The following PTPRG variants were observed in gnomAD, a reference collection of about 807,000 sequenced individuals.
The protein encoded by PTPRG is protein tyrosine phosphatase receptor type G.
A neutral mutation model predicts 165.3 loss-of-function variants in PTPRG; 102 were observed. That is an observed-to-expected ratio of 0.62 (90% CI 0.53 to 0.73). The LOEUF is 0.73. Ranked by LOEUF, PTPRG falls within the 30% of genes least tolerant of loss-of-function variation. The probability of loss-of-function intolerance (pLI) is 0.00; values close to 1 mark genes in which losing one functional copy is unlikely to be tolerated. For missense variants in PTPRG, 1,866 were observed against 1,861.4 expected, an observed-to-expected ratio of 1.00 and a Z score of -0.05; for synonymous variants, 675 against 669.5, an observed-to-expected ratio of 1.01 and a Z score of -0.13.
At chr3:61,667,968 A>C (rs1702855656) in intron 1 of PTPRG, among the ~76,000 whole-genome samples, 1 of 152,142 alleles carries the variant, frequency 6.6e-6, no homozygotes, top group African/African-American at 2.4e-5. Context: ...GGGGTGGGAA[A>C]AAAGTTTTAT....
In PTPRG at chr3:61,674,689, C is replaced by T. The variant is rs149774951; in HGVS notation, c.86-74189C>T. ...TGAATTAAAAATAATTTTATCTTGACCTTTCTCTTTGTAACTTTAACATCA... is the reference window on the plus strand; with the variant it reads ...TGAATTAAAAATAATTTTATCTTGATCTTTCTCTTTGTAACTTTAACATCA... On this transcript the variant is annotated intron_variant, in intron 1 of 29. Coordinates refer to ENST00000474889, the MANE Select transcript of PTPRG (RefSeq NM_002841.4). Among the ~76,000 whole-genome samples, 290 of 152,070 alleles carry T rather than the reference C, an allele frequency of 1.9e-3. 2 individuals are homozygous for T. Among genetic ancestry groups the T allele is most frequent in the African/African-American group, 6.6e-3 (274 of 41,478 alleles).
In PTPRG at chr3:62,124,150, T is replaced by C. The variant is rs531390514; in HGVS notation, c.616-8452T>C. The C allele has an allele frequency of 1.8e-4, 119 of 655,738 alleles. No homozygotes were observed. In the African/African-American group the frequency reaches 2.0e-3, roughly 11 times the overall value. 40.6% of individuals were successfully genotyped at this position (655,738 alleles called of 1,614,324 possible). A position where few individuals can be genotyped will look rare whatever the true frequency, so the allele number is the denominator to read the frequency against. ...AATAAGTTCAGCGCTTAAAAGGTTC[T>C]GTGAATTTGTTGTTGTCGTTGTTGT... On this transcript the variant is annotated intron_variant, in intron 5 of 29. Transcript: ENST00000474889.
intron 1 of PTPRG, among the ~76,000 whole-genome samples, chr3:61,699,087 G>T (rs755429343): frequency 1.3e-4 from 20 of 152,148 alleles, no homozygotes; most frequent in Admixed American, 7.9e-4. Context: ...GAGTTAATGG[G>T]TGCAGCACAG....
intron 4 of PTPRG, among the ~76,000 whole-genome samples, chr3:62,050,511 GTGACACT>G (rs1349343021): frequency 6.6e-6 from 1 of 152,236 alleles, no homozygotes; most frequent in African/African-American, 2.4e-5. Flanking sequence ...CTGTTGTTAA[GTGACACT>G]TGACTGTCTA....
chr3:61,811,733 G>A (rs1445910639), intron 2 of PTPRG, among the ~76,000 whole-genome samples: 5 of 152,124 alleles, frequency 3.3e-5, no homozygotes, highest in East Asian at 1.9e-4. Flanking sequence ...TCAGCCATGC[G>A]AGTCAGATAA....
intron 1 of PTPRG, among the ~76,000 whole-genome samples, chr3:61,724,217 C>CAAAAAAAAAA (rs1260061643): frequency 0.012 from 1,550 of 128,318 alleles, 19 homozygotes; most frequent in South Asian, 0.02. Context: ...CTCCCATCTC[C>CAAAAAAAAAA]AAAAAAAAAA....
intron 15 of PTPRG, among the ~76,000 whole-genome samples, chr3:62,249,210 G>A (rs17066305): frequency 0.31 from 47,487 of 151,948 alleles, 8,304 homozygotes; most frequent in African/African-American, 0.47. Flanking sequence ...ATGTCCTTTT[G>A]TTTCATATTT....
At chr3:61,946,784 G>A (rs577568540) in intron 2 of PTPRG, among the ~76,000 whole-genome samples, 1 of 152,318 alleles carries the variant, frequency 6.6e-6, no homozygotes, top group South Asian at 2.1e-4. Context: ...AACTCTCAGA[G>A]ACCTTTTTAA....
chr3:61,575,739 A>G (rs1700161961), intron 1 of PTPRG, among the ~76,000 whole-genome samples: 1 of 151,274 alleles, frequency 6.6e-6, no homozygotes, highest in Non-Finnish European at 1.5e-5. Context: ...AGCTGGAATT[A>G]CAGGCGCATG....
intron 2 of PTPRG, among the ~76,000 whole-genome samples, chr3:61,764,677 A>T (rs1464020946): frequency 6.6e-6 from 1 of 152,038 alleles, no homozygotes; most frequent in Non-Finnish European, 1.5e-5. Flanking sequence ...GAAGCGGGGG[A>T]GATAATAGCA....
At chr3:61,762,084 T>A (rs2033858995) in intron 2 of PTPRG, among the ~76,000 whole-genome samples, 1 of 152,196 alleles carries the variant, frequency 6.6e-6, no homozygotes, top group Admixed American at 6.5e-5. Flanking sequence ...TTTTAGTGTG[T>A]TTCTGGCTCT....
At chr3:62,119,474 G>A (rs997008590) in intron 5 of PTPRG, among the ~76,000 whole-genome samples, 4 of 152,194 alleles carry the variant, frequency 2.6e-5, no homozygotes, top group African/African-American at 7.2e-5. Context: ...GAAATGCTCC[G>A]AGTATTTGAG....
chr3:61,733,533 T>C (rs2032601131), intron 1 of PTPRG, among the ~76,000 whole-genome samples: 1 of 152,202 alleles, frequency 6.6e-6, no homozygotes, highest in Non-Finnish European at 1.5e-5. Flanking sequence ...CAGTGCCTCC[T>C]GGTACATGGT....
At chr3:61,646,465 T>A (rs1702204056) in intron 1 of PTPRG, among the ~76,000 whole-genome samples, 1 of 152,208 alleles carries the variant, frequency 6.6e-6, no homozygotes, top group Non-Finnish European at 1.5e-5. Context: ...TCTTCTGGAA[T>A]TACACATCTA....
At chr3:61,926,170 G>A (rs1172335452) in intron 2 of PTPRG, among the ~76,000 whole-genome samples, 2 of 152,186 alleles carry the variant, frequency 1.3e-5, no homozygotes, top group Admixed American at 1.3e-4. Context: ...TGGAGAAAGA[G>A]TAGCTTGAGT....
chr3:62,058,892 A>G (rs924370095), intron 4 of PTPRG, among the ~76,000 whole-genome samples: 3 of 152,210 alleles, frequency 2.0e-5, no homozygotes, highest in African/African-American at 7.2e-5. Context: ...AAACTGCATT[A>G]TGATCCCTGC....
intron 17 of PTPRG, 119 bp downstream of exon 17, chr3:62,263,013 T>A (rs1247683804): frequency 1.4e-6 from 1 of 721,912 alleles, no homozygotes; most frequent in Non-Finnish European, 2.3e-6. Flanking sequence ...TCTTGCAAGC[T>A]AACCTCTCAT....
chr3:61,740,806 T>C (rs1235168046), intron 1 of PTPRG, among the ~76,000 whole-genome samples: 1 of 152,192 alleles, frequency 6.6e-6, no homozygotes, highest in Non-Finnish European at 1.5e-5. Context: ...TGAAAAAAAC[T>C]TTTTATAGTT....
At chr3:62,164,009 G>A (rs1271850171) in intron 7 of PTPRG, among the ~76,000 whole-genome samples, 3 of 152,170 alleles carry the variant, frequency 2.0e-5, no homozygotes, top group Admixed American at 1.3e-4. Flanking sequence ...ATTGAACGGA[G>A]ACATTACGTG....
Sources: gnomAD v4.1 joint callset for allele counts (sites outside exome capture counted in the v4.1 genomes callset) on GRCh38, gnomAD v4.1.1 for gene constraint, MANE v1.5 for transcripts, NCBI Gene and HGNC (gene_info 2026-07-23, HGNC 2026-07-21) for gene names.